Variants in TTLL5 observed in about 807,000 individuals in gnomAD.
TTLL5 encodes tubulin polyglutamylase TTLL5.
Under a neutral mutation model 168.4 loss-of-function variants are expected in TTLL5, and 132 were observed. The ratio of observed to expected loss-of-function variants is 0.78; its 90% CI spans 0.68 to 0.91. The LOEUF (loss-of-function observed/expected upper bound fraction) is 0.91, where lower values mean the gene tolerates loss of function less well. TTLL5 is among the 40% of genes least tolerant of loss of function. The pLI is 0.00. For missense variants in TTLL5, 1,545 were observed against 1,581.5 expected, an observed-to-expected ratio of 0.98 and a Z score of 0.39; for synonymous variants, 546 against 558.6, an observed-to-expected ratio of 0.98 and a Z score of 0.32.
chr14:75,770,777 G>A (rs1488041757), intron 20 of TTLL5, among the ~76,000 whole-genome samples: 4 of 152,008 alleles, frequency 2.6e-5, no homozygotes, highest in Non-Finnish European at 4.4e-5. Context: ...GATTTCTTTC[G>A]CCCACTGAAC....
At chr14:75,939,166 A>G (rs2034521058) in intron 31 of TTLL5, among the ~76,000 whole-genome samples, 1 of 152,228 alleles carries the variant, frequency 6.6e-6, no homozygotes, top group Non-Finnish European at 1.5e-5. Flanking sequence ...GGTCACAATC[A>G]TCATTCCCCT....
chr14:75,937,340 A>T (rs1287343361), intron 31 of TTLL5, among the ~76,000 whole-genome samples: 1 of 146,540 alleles, frequency 6.8e-6, no homozygotes, highest in African/African-American at 2.5e-5. Flanking sequence ...GTTGGCGAGG[A>T]TGGTCTTGAA....
chr14:75,742,212 C>CT (rs1158716638), intron 15 of TTLL5, among the ~76,000 whole-genome samples: 1 of 151,972 alleles, frequency 6.6e-6, no homozygotes, highest in Non-Finnish European at 1.5e-5. Flanking sequence ...ATAAAGATAC[C>CT]TATTTTTATT....
intron 28 of TTLL5, among the ~76,000 whole-genome samples, chr14:75,828,376 T>C (rs1895352232): frequency 7.1e-6 from 1 of 140,960 alleles, no homozygotes; most frequent in Non-Finnish European, 1.5e-5. Context: ...TTTATGCTGA[T>C]TCACTTCTGC....
intron 29 of TTLL5, among the ~76,000 whole-genome samples, chr14:75,867,758 C>CA (rs1399368296): frequency 0.027 from 2,456 of 90,234 alleles, 31 homozygotes; most frequent in South Asian, 0.041. Flanking sequence ...AGACTGTCTC[C>CA]AAAAAAAAAA....
chr14:75,878,661 A>G (rs2031634169), intron 29 of TTLL5, among the ~76,000 whole-genome samples: 2 of 152,242 alleles, frequency 1.3e-5, no homozygotes, highest in South Asian at 4.1e-4. Context: ...TTAAGAAGAA[A>G]GGGAGAAGCG....
intron 31 of TTLL5, among the ~76,000 whole-genome samples, chr14:75,953,337 C>T (rs1357483133): frequency 6.6e-6 from 1 of 152,110 alleles, no homozygotes; most frequent in African/African-American, 2.4e-5. Flanking sequence ...AATAAGATGG[C>T]ATTAGAGAGT....
In TTLL5 at chr14:75,779,638, C is replaced by T; in HGVS notation, c.2451C>T (p.Phe817=). 1 of 1,613,736 alleles carries T rather than the reference C, an allele frequency of 6.2e-7. No individual in the cohort carries two copies. ...AAAAGAACAAGTCTGCTAGTGTCTT[C>T]CTGGGGACTCACTCTAAAATTTCTA... is the stretch of plus-strand genomic sequence containing the variant. ...YTQKNKSASV[F]LGTHSKISKN... Residue 817 remains phenylalanine (F), a synonymous_variant, in exon 24 of 32, where the codon TTC becomes TTT. Coordinates refer to ENST00000298832, the MANE Select transcript of TTLL5 (RefSeq NM_015072.5).
chr14:75,763,972 A>G lies in TTLL5; in HGVS notation c.1551-643A>G, dbSNP rs549914990. On this transcript the variant is annotated intron_variant, in intron 18 of 31. Coordinates refer to ENST00000298832, the MANE Select transcript of TTLL5 (RefSeq NM_015072.5). ...CCTTGCTCCACCTTCTCCTGTATAT[A>G]ATCAGGATCTTAAAGGAGGGTGGGT... Among the ~76,000 whole-genome samples, 215 of 152,168 alleles carry G rather than the reference A, an allele frequency of 1.4e-3. 3 individuals are homozygous for G. The highest frequency in any genetic ancestry group is 0.014 in the Middle Eastern group (4 of 294).
At chr14:75,896,159 A>T (rs1431139566) in intron 30 of TTLL5, among the ~76,000 whole-genome samples, 1 of 152,178 alleles carries the variant, frequency 6.6e-6, no homozygotes, top group Non-Finnish European at 1.5e-5. Flanking sequence ...TTTTCTAAGG[A>T]TTAGCATTAA....
chr14:75,953,368 G>T (rs535189953), intron 31 of TTLL5, among the ~76,000 whole-genome samples: 2 of 152,276 alleles, frequency 1.3e-5, no homozygotes, highest in East Asian at 3.9e-4. Flanking sequence ...AGTGTTTATG[G>T]CCCAGCAATT....
intron 9 of TTLL5, chr14:75,709,828 TAAAAAAAAAAAAAAAAA>T (rs60209676): frequency 2.5e-5 from 1 of 39,886 alleles, no homozygotes; most frequent in Non-Finnish European, 4.4e-5. Context: ...CCCATCTCAT[TAAAAAAAAAAAAAAAAA>T]AAAAAAAAAA....
intron 31 of TTLL5, among the ~76,000 whole-genome samples, chr14:75,914,249 G>A (rs1265118009): frequency 1.3e-5 from 2 of 151,264 alleles, no homozygotes; most frequent in Non-Finnish European, 2.9e-5. Context: ...CTTTTTGGGT[G>A]AATTGTCTCT....
intron 19 of TTLL5, among the ~76,000 whole-genome samples, chr14:75,765,156 A>G (rs1890886878): frequency 6.6e-6 from 1 of 152,208 alleles, no homozygotes; most frequent in African/African-American, 2.4e-5. Flanking sequence ...TTTTAGATAA[A>G]GTGGAATTTC....
chr14:75,863,959 T>C (rs2030284300), intron 29 of TTLL5, 97 bp downstream of exon 29: 1 of 1,253,174 alleles, frequency 8.0e-7, no homozygotes, highest in East Asian at 2.8e-5. Flanking sequence ...AAATGTAGGA[T>C]TAGTTTTCCA....
chr14:75,813,304 G>C (rs927198109), intron 27 of TTLL5, among the ~76,000 whole-genome samples: 2 of 137,752 alleles, frequency 1.5e-5, no homozygotes, highest in African/African-American at 5.8e-5. Context: ...GTGTGTGTGT[G>C]TGTGTGTGTG....
chr14:75,730,698 G>A (rs1015460292), intron 12 of TTLL5, among the ~76,000 whole-genome samples: 1 of 151,748 alleles, frequency 6.6e-6, no homozygotes, highest in African/African-American at 2.4e-5. Context: ...GTTCCACAGT[G>A]TAGAATCATG....
At chr14:75,950,441 A>G (rs1463390443) in intron 31 of TTLL5, among the ~76,000 whole-genome samples, 3 of 152,230 alleles carry the variant, frequency 2.0e-5, no homozygotes, top group Non-Finnish European at 4.4e-5. Context: ...AAGAACTTCT[A>G]AGATGCCATG....
chr14:75,737,521 A>G (rs1195427965), intron 15 of TTLL5: 1 of 1,515,132 alleles, frequency 6.6e-7, no homozygotes, highest in South Asian at 1.2e-5. Flanking sequence ...ATGTAGGCAT[A>G]TTAGGAGAAG....
Sources: gnomAD v4.1 joint callset for allele counts (sites outside exome capture counted in the v4.1 genomes callset) on GRCh38, gnomAD v4.1.1 for gene constraint, MANE v1.5 for transcripts, NCBI Gene and HGNC (gene_info 2026-07-23, HGNC 2026-07-21) for gene names.